CNTN4: variants seen among roughly 807,000 people sequenced by gnomAD.
The protein encoded by CNTN4 is contactin-4.
CNTN4 carries 77 observed loss-of-function variants against 122.5 expected under a neutral mutation model. That is an observed-to-expected ratio of 0.63 (90% confidence interval 0.52 to 0.76). The LOEUF is 0.76. CNTN4 is among the 30% of genes least tolerant of loss of function. The pLI, the probability that CNTN4 is intolerant of heterozygous loss-of-function variation, is 0.00. For missense variants in CNTN4, 1,256 were observed against 1,259.1 expected, an observed-to-expected ratio of 1.00 and a Z score of 0.04; for synonymous variants, 512 against 447.0, an observed-to-expected ratio of 1.15 and a Z score of -1.83.
At chr3:2,139,584 A>G (rs1156426482) in intron 2 of CNTN4, among the ~76,000 whole-genome samples, 2 of 152,236 alleles carry the variant, frequency 1.3e-5, no homozygotes, top group African/African-American at 4.8e-5. Flanking sequence ...ACCTCGAGCT[A>G]TCCTGACAGT....
chr3:2,177,087 C>T (rs183118969), intron 2 of CNTN4, among the ~76,000 whole-genome samples: 232 of 152,102 alleles, frequency 1.5e-3, no homozygotes, highest in Middle Eastern at 0.014. Context: ...TAGTTAAATG[C>T]GGATGAAAGC....
chr3:2,292,481 G>A (rs1244384452), intron 2 of CNTN4, among the ~76,000 whole-genome samples: 4 of 152,118 alleles, frequency 2.6e-5, no homozygotes, highest in African/African-American at 4.8e-5. Flanking sequence ...AGTGTACAAT[G>A]TGTTAACTTT....
At chr3:2,163,429 G>A (rs2036049887) in intron 2 of CNTN4, among the ~76,000 whole-genome samples, 1 of 152,128 alleles carries the variant, frequency 6.6e-6, no homozygotes, top group African/African-American at 2.4e-5. Context: ...AACTCTTGTA[G>A]ATATTGGCTT....
intron 13 of CNTN4, among the ~76,000 whole-genome samples, chr3:2,965,828 G>A (rs777744337): frequency 1.3e-5 from 2 of 151,998 alleles, no homozygotes; most frequent in Non-Finnish European, 2.9e-5. Flanking sequence ...TCTGCATGTC[G>A]TCCCCTGTAT....
intron 2 of CNTN4, among the ~76,000 whole-genome samples, chr3:2,153,630 C>T (rs112437259): frequency 4.8e-4 from 73 of 152,140 alleles, no homozygotes; most frequent in East Asian, 1.9e-3. Context: ...AAAAGGAGCG[C>T]GAAACCATGG....
At position 2,344,184 on chromosome 3, in the gene CNTN4, A is replaced by G. The variant is rs114325583; in HGVS notation, c.-89+4951A>G. Among the ~76,000 whole-genome samples, 1,384 of 152,276 alleles carry G rather than the reference A, an allele frequency of 9.1e-3. 27 individuals are homozygous for G. Among genetic ancestry groups the G allele is most frequent in the African/African-American group, 0.032 (1,326 of 41,534 alleles). On this transcript the variant is annotated intron_variant, in intron 3 of 24. Transcript: ENST00000418658. ...CAAACATCCAAACTATATCAGTGAT[A>G]TAACAAAATAAGCAGATTGTCATTC...
intron 4 of CNTN4, among the ~76,000 whole-genome samples, chr3:2,659,018 CCT>C (rs1287288572): frequency 6.8e-6 from 1 of 146,908 alleles, no homozygotes; most frequent in African/African-American, 2.5e-5. Flanking sequence ...ACAGAACTAA[CCT>C]AATATTTCAG....
intron 2 of CNTN4, among the ~76,000 whole-genome samples, chr3:2,104,312 T>C (rs2727926): frequency 0.49 from 74,157 of 151,760 alleles, 18,352 homozygotes; most frequent in Non-Finnish European, 0.53. Flanking sequence ...GAGGTTTTCA[T>C]GTGCTTACTG....
intron 7 of CNTN4, among the ~76,000 whole-genome samples, chr3:2,819,943 ACTGT>A (rs1192629705): frequency 1.3e-5 from 2 of 152,178 alleles, no homozygotes; most frequent in Non-Finnish European, 2.9e-5. Flanking sequence ...TGGTCTGGGA[ACTGT>A]CTGTGAACTG....
At chr3:2,159,269 A>T (rs1464317858) in intron 2 of CNTN4, among the ~76,000 whole-genome samples, 1 of 152,242 alleles carries the variant, frequency 6.6e-6, no homozygotes, top group Non-Finnish European at 1.5e-5. Flanking sequence ...AAAAGAAAAT[A>T]ATAAGCCCCA....
At chr3:2,400,742 GGT>G (rs1274525369) in intron 3 of CNTN4, among the ~76,000 whole-genome samples, 2 of 150,908 alleles carry the variant, frequency 1.3e-5, no homozygotes, top group Non-Finnish European at 3.0e-5. Context: ...CTAACTTTGT[GGT>G]GGCTTTTATT....
rs190097668 is a variant in CNTN4, at chr3:2,843,473, A to G, written c.455-23279A>G. On this transcript the variant is annotated intron_variant, in intron 7 of 24. Transcript: ENST00000418658. ...TGTTACATAAAAGCCAGGGTGATAG[A>G]TAGAGTTTGAATTATTTGTCCCTGC... Among the ~76,000 whole-genome samples, 15 of 152,234 alleles carry G rather than the reference A, an allele frequency of 9.9e-5. No individual in the cohort carries two copies. The East Asian group carries it at 2.9e-3, about 30-fold the overall frequency.
At chr3:2,109,480 G>T (rs749078424) in intron 2 of CNTN4, among the ~76,000 whole-genome samples, 2 of 152,040 alleles carry the variant, frequency 1.3e-5, no homozygotes, top group African/African-American at 4.8e-5. Context: ...AAAATACTTT[G>T]TAACTTGCAC....
chr3:2,886,773 C>T (rs550879904), intron 9 of CNTN4, among the ~76,000 whole-genome samples: 2 of 152,202 alleles, frequency 1.3e-5, no homozygotes, highest in Admixed American at 1.3e-4. Flanking sequence ...CTCGGCCTCC[C>T]AAAGTGCCAG....
chr3:2,441,573 C>A (rs910513994), intron 3 of CNTN4, among the ~76,000 whole-genome samples: 84 of 152,280 alleles, frequency 5.5e-4, no homozygotes, highest in African/African-American at 1.9e-3. Flanking sequence ...ATTAGGGTAG[C>A]TTTTCAGTTC....
At chr3:2,314,103 TAAC>T (rs1344615901) in intron 2 of CNTN4, among the ~76,000 whole-genome samples, 4 of 152,112 alleles carry the variant, frequency 2.6e-5, no homozygotes, top group East Asian at 3.9e-4. Context: ...TTAAAATTGA[TAAC>T]AACAAAGTAT....
chr3:2,793,708 G>T (rs569475314), intron 6 of CNTN4, among the ~76,000 whole-genome samples: 1 of 152,028 alleles, frequency 6.6e-6, no homozygotes, highest in Admixed American at 6.6e-5. Context: ...TACCAGTATC[G>T]TATTACCTTA....
chr3:2,839,645 T>A (rs977502436), intron 7 of CNTN4, among the ~76,000 whole-genome samples: 11 of 152,302 alleles, frequency 7.2e-5, no homozygotes, highest in Middle Eastern at 3.4e-3. Flanking sequence ...TGTAAGATAA[T>A]AGGGGTTGGG....
chr3:2,917,819 C>A (rs1242366520), intron 12 of CNTN4, among the ~76,000 whole-genome samples: 1 of 152,176 alleles, frequency 6.6e-6, no homozygotes, highest in Non-Finnish European at 1.5e-5. Context: ...GGTATAATGA[C>A]CCTGTGTCCA....
Sources: allele counts gnomAD v4.1 joint callset (sites outside exome capture counted in the v4.1 genomes callset), GRCh38; gene constraint gnomAD v4.1.1; transcripts MANE v1.5; gene names NCBI Gene and HGNC (gene_info 2026-07-23, HGNC 2026-07-21).